The following CHTF18 variants were observed in gnomAD, a reference collection of about 807,000 sequenced individuals.
The protein encoded by CHTF18 is chromosome transmission fidelity protein 18 homolog.
Under a neutral mutation model 113.4 loss-of-function variants are expected in CHTF18, and 151 were observed. The ratio of observed to expected loss-of-function variants is 1.33; its 90% CI spans 1.17 to 1.52. CHTF18 has a LOEUF of 1.52. Among genes scored for constraint, CHTF18 ranks in the 40% most tolerant of loss-of-function variants. The pLI is 0.00. For missense variants in CHTF18, 1,982 were observed against 1,381.6 expected, an observed-to-expected ratio of 1.43 and a Z score of -6.89; for synonymous variants, 916 against 598.8, an observed-to-expected ratio of 1.53 and a Z score of -7.74.
intron 14 of CHTF18, chr16:793,746 C>G (rs895558657): frequency 1.5e-6 from 1 of 664,202 alleles, no homozygotes; most frequent in East Asian, 2.9e-5. Flanking sequence ...AGACGCTGGC[C>G]TGGGCCTGTG....
intron 8 of CHTF18, 22 bp from the exon 9 acceptor site, chr16:791,829 C>T (rs774695055): frequency 1.2e-5 from 19 of 1,584,392 alleles, no homozygotes; most frequent in South Asian, 8.1e-5. Flanking sequence ...GCACACTACG[C>T]CTTCATCTAC....
At chr16:790,847 GT>G in intron 7 of CHTF18, 181 bp downstream of exon 7, 1 of 1,432,016 alleles carries the variant, frequency 7.0e-7, no homozygotes, top group Non-Finnish European at 9.1e-7. Flanking sequence ...CTGGTCCCCT[GT>G]GACCTGTGAG....
In CHTF18 at chr16:791,150, C is replaced by T. The variant is rs781507569; in HGVS notation, c.895-11C>T. On this transcript the variant is annotated splice_polypyrimidine_tract_variant and intron_variant, in intron 7 of 21. Coordinates refer to ENST00000262315, the MANE Select transcript of CHTF18 (RefSeq NM_022092.3). ...CCTCAGGCTGTGCTTCCCTTCCCGT[C>T]CTTCCCGCAGTTCACCAACCGCTGC... 5 of 1,606,114 alleles carry T rather than the reference C, an allele frequency of 3.1e-6. No individual in the cohort carries two copies. The highest frequency in any genetic ancestry group is 1.3e-5 in the African/African-American group (1 of 74,862).
At position 791,288 on chromosome 16, in the gene CHTF18, C is replaced by T. The variant is rs776281537; in HGVS notation, c.1022C>T (p.Pro341Leu). Residue 341 changes from proline (P) to leucine (L), a missense_variant, in exon 8 of 22, where the codon CCA becomes CTA. By Grantham distance (98) the Pro-to-Leu change is moderately conservative. Transcript: ENST00000262315. ...CGGGTCAGCAAGGAGGCCACAGCCCCAGGCAAGTGGAAGAGCCACGAACAG... is the reference window on the plus strand; with the variant it reads ...CGGGTCAGCAAGGAGGCCACAGCCCTAGGCAAGTGGAAGAGCCACGAACAG... ...PARVSKEATA[P>L]GKWKSHEQVL... The T allele has an allele frequency of 3.7e-6, 6 of 1,610,910 alleles. No individual in the cohort carries two copies. Among genetic ancestry groups the T allele is most frequent in the Non-Finnish European group, 5.1e-6 (6 of 1,179,568 alleles).
chr16:788,985 C>A lies in CHTF18; in HGVS notation c.146C>A (p.Pro49Gln). The part of the protein sequence containing the change: ...GVPLFTAGRP[P>Q]RTFEEALARG... ...CCCCTGTTCACCGCGGGCCGACCCC[C>A]GCGGACGTTCGAGGAGGCCCTTGCC... Residue 49 changes from proline (P) to glutamine (Q), a missense_variant, in exon 2 of 22, where the codon CCG becomes CAG. Coordinates refer to ENST00000262315, the MANE Select transcript of CHTF18 (RefSeq NM_022092.3). The A allele has an allele frequency of 1.3e-6, 2 of 1,563,494 alleles. No individual in the cohort carries two copies. Among genetic ancestry groups the A allele is most frequent in the Non-Finnish European group, 1.7e-6 (2 of 1,161,138 alleles).
In CHTF18 at chr16:797,984, G is replaced by A; in HGVS notation, c.*9G>A. The stretch of plus-strand genomic sequence containing the variant: ...TCAGGGACTTGCTCTAGTTCTCTGA[G>A]CCGCGGACATGCCCTCGCATTGCTT... On this transcript the variant is annotated 3_prime_UTR_variant, in exon 22 of 22. Coordinates refer to ENST00000262315, the MANE Select transcript of CHTF18 (RefSeq NM_022092.3). 6.2e-7 allele frequency: 1 copy of A among 1,606,598 alleles called. No individual in the cohort carries two copies. The highest frequency in any genetic ancestry group is 8.5e-7 in the Non-Finnish European group (1 of 1,175,974).
intron 8 of CHTF18, chr16:791,633 CA>C: frequency 7.0e-7 from 1 of 1,430,730 alleles, no homozygotes; most frequent in Middle Eastern, 2.6e-4. Context: ...ACACTGGTAT[CA>C]GCTGTGTTTT....
Position 789,365 on chromosome 16 carries a change from G to T in CHTF18, c.437+5G>T. ...CGCAGAGCTTTGGGGCCACGGGTGT[G>T]TGGCTTGGACATGGGCGTCCCATCC... is the stretch of plus-strand genomic sequence containing the variant. On this transcript the variant is annotated splice_donor_5th_base_variant and intron_variant, in intron 3 of 21. Transcript: ENST00000262315. 6.3e-7 allele frequency: 1 copy of T among 1,580,878 alleles called. No individual in the cohort carries two copies. Among genetic ancestry groups the T allele is most frequent in the Non-Finnish European group, 8.6e-7 (1 of 1,164,938 alleles).
In CHTF18 at chr16:797,689, A is replaced by G. The variant is rs1363453806; in HGVS notation, c.2734-5A>G. 9.3e-6 allele frequency: 15 copies of G among 1,610,362 alleles called. No individual in the cohort carries two copies. Among genetic ancestry groups the G allele is most frequent in the Admixed American group, 8.4e-5 (5 of 59,754 alleles). ...ATACGACTGACTAGTCCTTCCTCCC[A>G]TCAGCCTGAGAAGGACTTCTTTGGA... On this transcript the variant is annotated splice_polypyrimidine_tract_variant and splice_region_variant and intron_variant, in intron 20 of 21. Transcript: ENST00000262315.
At chr16:789,852 T>G (rs1596745519) in intron 4 of CHTF18, 137 bp downstream of exon 4, 2 of 1,322,638 alleles carry the variant, frequency 1.5e-6, no homozygotes, top group Non-Finnish European at 2.1e-6. Context: ...GGAGGCTGCG[T>G]CATGGGGCGT....
intron 20 of CHTF18, among the ~76,000 whole-genome samples, chr16:797,336 AC>A (rs1296930281): frequency 6.8e-6 from 1 of 147,766 alleles, no homozygotes; most frequent in Non-Finnish European, 1.5e-5. Flanking sequence ...GGGCCAGGGT[AC>A]CTTTGGGGGT....
chr16:795,860 A>AT (rs2042329398), intron 17 of CHTF18, 26 bp downstream of exon 17: 1 of 1,605,790 alleles, frequency 6.2e-7, no homozygotes, highest in Non-Finnish European at 8.5e-7. Flanking sequence ...GGGGTGGGGG[A>AT]TTCCCCGCCT....
rs377046625 is a variant in CHTF18, at chr16:797,000, G to C, written c.2641G>C (p.Gly881Arg). The C allele has an allele frequency of 1.8e-5, 28 of 1,547,246 alleles. No homozygotes were observed. The highest frequency in any genetic ancestry group is 2.4e-5 in the Non-Finnish European group (27 of 1,145,952). The change falls in exon 20 of 22, where the codon GGC becomes CGC. Residue 881 changes from glycine (G) to arginine (R), a missense_variant. Coordinates refer to ENST00000262315, the MANE Select transcript of CHTF18 (RefSeq NM_022092.3). ...SPPGLEGLLG[G>R]IGEKGVHRPA... ...CCCAGGGCTCGAGGGTCTGCTGGGG[G>C]GCATTGGGGAGAAAGGGGTGCACCG...
intron 1 of CHTF18, 74 bp downstream of exon 1, chr16:788,849 C>G: frequency 1.3e-6 from 2 of 1,521,500 alleles, no homozygotes; most frequent in Non-Finnish European, 1.8e-6. Flanking sequence ...GAGGGCGTGC[C>G]GGGGGCCGAA....
intron 15 of CHTF18, chr16:794,632 G>A (rs2042288581): frequency 4.3e-6 from 1 of 232,324 alleles, no homozygotes; most frequent in Non-Finnish European, 8.5e-6. Context: ...GACTCTAAGC[G>A]GCTTTGGATT....
rs1418750433 is a variant in CHTF18 at position 794,057 on chromosome 16, C to T, written c.1806C>T (p.Arg602=). Residue 602 remains arginine, a synonymous_variant, in exon 15 of 22, where the codon CGC becomes CGT. Transcript: ENST00000262315. ...AGCTTCAGCACCCCACCTGCAGGCG[C>T]CGTGTGGGCCAGGACCCCGCCCTGC... ...EVFQLPRAQR[R]RVGQDPALPA... is the part of the protein sequence containing the mutation. 5.0e-6 allele frequency: 8 copies of T among 1,609,790 alleles called. No individual in the cohort carries two copies. The highest frequency in any genetic ancestry group is 5.9e-6 in the Non-Finnish European group (7 of 1,178,504).
Position 793,061 on chromosome 16 carries a change from G to A in CHTF18, c.1668G>A (p.Leu556=), listed in dbSNP as rs1848945494. The A allele has an allele frequency of 5.8e-6, 9 of 1,563,766 alleles. No individual in the cohort carries two copies. The highest frequency in any genetic ancestry group is 1.4e-5 in the African/African-American group (1 of 73,646). ...ACATCCGGGCCTGCATCAACACCCT[G>A]CAGGTGGGCGGCCGGCAGGCACCGG... ...DNDIRACINT[L]QFLYSRGQRE... Residue 556 remains leucine, a synonymous_variant, in exon 13 of 22, where the codon CTG becomes CTA. Transcript: ENST00000262315.
At chr16:789,428 G>A in intron 3 of CHTF18, 68 bp downstream of exon 3, 2 of 1,535,466 alleles carry the variant, frequency 1.3e-6, no homozygotes, top group South Asian at 2.5e-5. Context: ...CCCATCCCGT[G>A]CCCTGGATGA....
chr16:790,787 T>C, intron 7 of CHTF18, 121 bp downstream of exon 7: 1 of 1,436,706 alleles, frequency 7.0e-7, no homozygotes, highest in Non-Finnish European at 9.1e-7. Context: ...TGGGCTCTGG[T>C]TTGCCCTTTT....
Sources: gnomAD v4.1 joint callset for allele counts (sites outside exome capture counted in the v4.1 genomes callset) on GRCh38, gnomAD v4.1.1 for gene constraint, MANE v1.5 for transcripts, NCBI Gene and HGNC (gene_info 2026-07-23, HGNC 2026-07-21) for gene names.